Variants in GABRP observed in about 807,000 individuals in gnomAD.
GABRP encodes the protein gamma-aminobutyric acid receptor subunit pi.
Under a neutral mutation model 47.8 loss-of-function variants are expected in GABRP, and 52 were observed. That is an observed-to-expected ratio of 1.09 (90% CI 0.87 to 1.37). The LOEUF (loss-of-function observed/expected upper bound fraction) is 1.37, where lower values mean the gene tolerates loss of function less well. GABRP is among the 40% of genes most tolerant of loss of function. The pLI, the probability that GABRP is intolerant of heterozygous loss-of-function variation, is 0.00. For missense variants in GABRP, 525 were observed against 542.8 expected, an observed-to-expected ratio of 0.97 and a Z score of 0.33; for synonymous variants, 221 against 205.8, an observed-to-expected ratio of 1.07 and a Z score of -0.63.
chr5:170,809,632 CA>C lies in GABRP; in HGVS notation c.899del (p.Asn300ThrfsTer23). 1 of 1,614,166 alleles carries C rather than the reference CA, an allele frequency of 6.2e-7. No homozygotes were observed. Among genetic ancestry groups the C allele is most frequent in the Non-Finnish European group, 8.5e-7 (1 of 1,180,032 alleles). On this transcript the variant is annotated frameshift_variant, in exon 9 of 10. Transcript: ENST00000265294. LOFTEE classifies it high-confidence loss of function. ...IGSRTSLPNTNCFIKAIDVYL... is the reference protein window; with the variant it reads ...IGSRTSLPNTXCFIKAIDVYL... Reference sequence around the variant, plus strand: ...GGTCCCGCACTTCTCTTCCCAACACCAACTGCTTCATCAAGGCCATCGATGT... The same window carrying C: ...GGTCCCGCACTTCTCTTCCCAACACCACTGCTTCATCAAGGCCATCGATGT...
At chr5:170,790,502 C>A (rs578021461) in intron 3 of GABRP, among the ~76,000 whole-genome samples, 26 of 152,104 alleles carry the variant, frequency 1.7e-4, no homozygotes, top group Non-Finnish European at 3.5e-4. Flanking sequence ...ATCCTCCGGG[C>A]AGCAGATGCC....
chr5:170,795,403 G>A lies in GABRP; in HGVS notation c.436G>A (p.Gly146Ser), dbSNP rs1359020670. 1 of 1,614,078 alleles carries A rather than the reference G, an allele frequency of 6.2e-7. No individual in the cohort carries two copies. Among genetic ancestry groups the A allele is most frequent in the Non-Finnish European group, 8.5e-7 (1 of 1,180,012 alleles). ...CAGGCTCATCCGCCTCTTCTCCAAT[G>A]GCACGGTCCTGTATGCCCTCAGGTA... ...GNRLIRLFSN[G>S]TVLYALRITT... The change falls in exon 5 of 10, where the codon GGC becomes AGC. Residue 146 changes from glycine to serine, a missense_variant. Gly to Ser is a moderately conservative substitution (Grantham distance 56). Transcript: ENST00000265294.
chr5:170,795,595 A>G (rs574213720), intron 5 of GABRP, among the ~76,000 whole-genome samples, 170 bp downstream of exon 5: 33 of 152,264 alleles, frequency 2.2e-4, no homozygotes, highest in Admixed American at 1.3e-3. Context: ...ATCATCTACC[A>G]AATGCCTGCT....
At position 170,805,850 on chromosome 5, in the gene GABRP, A is replaced by G; in HGVS notation, c.676A>G (p.Thr226Ala). The change falls in exon 7 of 10, where the codon ACA becomes GCA. Residue 226 changes from threonine (T) to alanine (A), a missense_variant. Physicochemically the swap from Thr to Ala is moderately conservative, Grantham distance 58 (BLOSUM62 0). Coordinates refer to ENST00000265294, the MANE Select transcript of GABRP (RefSeq NM_014211.3). ...FTLVTRSQQE[T>A]GNYTRLVLQF... ...CTTAGTCACCAGATCGCAGCAGGAG[A>G]CAGGTAACTCATGTGACAAACTGTA... is the stretch of plus-strand genomic sequence containing the variant. The G allele has an allele frequency of 6.2e-7, 1 of 1,613,840 alleles. No homozygotes were observed. Among genetic ancestry groups the G allele is most frequent in the East Asian group, 2.2e-5 (1 of 44,872 alleles).
chr5:170,789,975 T>G (rs1292942757), intron 3 of GABRP, among the ~76,000 whole-genome samples: 3 of 152,186 alleles, frequency 2.0e-5, no homozygotes, highest in Non-Finnish European at 4.4e-5. Context: ...CCCATCCCCT[T>G]TCTTCACACT....
At chr5:170,787,609 G>T (rs1449140968) in intron 1 of GABRP, among the ~76,000 whole-genome samples, 4 of 149,284 alleles carry the variant, frequency 2.7e-5, no homozygotes. Context: ...TGAAGGAAGA[G>T]AGTACCGGGG....
chr5:170,811,889 C>A, intron 9 of GABRP, 67 bp from the exon 10 acceptor site: 2 of 1,418,824 alleles, frequency 1.4e-6, no homozygotes, highest in Non-Finnish European at 2.0e-6. Flanking sequence ...TTTTTATTAG[C>A]TCATTACCTA....
chr5:170,789,005 C>T (rs779450811), intron 2 of GABRP, 124 bp from the exon 3 acceptor site: 14 of 740,870 alleles, frequency 1.9e-5, no homozygotes, highest in Non-Finnish European at 3.3e-5. Context: ...AGGAATGTCA[C>T]TGCTGGTACA....
At position 170,783,741 on chromosome 5, in the gene GABRP, G is replaced by C. The variant is rs1765059592; in HGVS notation, c.-176G>C. ...CAGAGAGCCACTCCATCTGAGGGTG[G>C]CTGCGTGTCCACATACGAGGGGACA... On this transcript the variant is annotated 5_prime_UTR_variant, in exon 1 of 10. Transcript: ENST00000265294. The C allele has an allele frequency of 6.6e-6, 1 of 152,274 alleles. No homozygotes were observed. The highest frequency in any genetic ancestry group is 1.5e-5 in the Non-Finnish European group (1 of 68,100). 9.4% of individuals were successfully genotyped at this position (152,274 alleles called of 1,614,324 possible). A position where few individuals can be genotyped will look rare whatever the true frequency, so the allele number is the denominator to read the frequency against.
chr5:170,803,258 C>G (rs1765641987), intron 6 of GABRP, among the ~76,000 whole-genome samples: 1 of 152,146 alleles, frequency 6.6e-6, no homozygotes, highest in Non-Finnish European at 1.5e-5. Context: ...TACTGTGAGA[C>G]TTAACAAAAT....
chr5:170,810,661 A>G (rs1765858096), intron 9 of GABRP, among the ~76,000 whole-genome samples: 1 of 152,222 alleles, frequency 6.6e-6, no homozygotes, highest in Non-Finnish European at 1.5e-5. Context: ...CAAGAAAATG[A>G]TAGGGATCCA....
At chr5:170,788,796 C>T in intron 2 of GABRP, 128 bp downstream of exon 2, 2 of 844,078 alleles carry the variant, frequency 2.4e-6, no homozygotes, top group Non-Finnish European at 4.0e-6. Context: ...TTCCCTGGAG[C>T]ACCGAACAAT....
At chr5:170,803,781 G>T (rs1240476947) in intron 6 of GABRP, among the ~76,000 whole-genome samples, 4 of 142,248 alleles carry the variant, frequency 2.8e-5, no homozygotes, top group African/African-American at 1.0e-4. Context: ...TGGTTGGTTG[G>T]TTGGTTGGTT....
chr5:170,786,951 A>G (rs1765144816), intron 1 of GABRP, among the ~76,000 whole-genome samples: 1 of 152,200 alleles, frequency 6.6e-6, no homozygotes, highest in Admixed American at 6.5e-5. Flanking sequence ...CTGAAGTATG[A>G]GACAAAAGAG....
rs1245202614 is a variant in GABRP, at chr5:170,783,762, G to T, written c.-155G>T. On this transcript the variant is annotated 5_prime_UTR_variant, in exon 1 of 10. Coordinates refer to ENST00000265294, the MANE Select transcript of GABRP (RefSeq NM_014211.3). ...GGTGGCTGCGTGTCCACATACGAGG[G>T]GACAGGGCTGAGGATGAGGAGAACC... 2 of 152,338 alleles carry T rather than the reference G, an allele frequency of 1.3e-5. No homozygotes were observed. Among genetic ancestry groups the T allele is most frequent in the African/African-American group, 4.8e-5 (2 of 41,446 alleles). The allele number at this position is 152,338 out of a possible 1,614,324, so 9.4% of individuals were successfully genotyped here. A position where few individuals can be genotyped will look rare whatever the true frequency, so the allele number is the denominator to read the frequency against.
chr5:170,789,935 T>G (rs1260689832), intron 3 of GABRP, among the ~76,000 whole-genome samples: 5 of 152,186 alleles, frequency 3.3e-5, no homozygotes, highest in Non-Finnish European at 7.3e-5. Context: ...CGCTGCCTTC[T>G]CTGAGAAGCC....
intron 9 of GABRP, among the ~76,000 whole-genome samples, chr5:170,811,510 T>A (rs530616944): frequency 6.6e-6 from 1 of 152,168 alleles, no homozygotes; most frequent in Non-Finnish European, 1.5e-5. Flanking sequence ...ACCTACCAGA[T>A]GCTTTCCATT....
At chr5:170,810,105 TATTTA>T (rs1221826383) in intron 9 of GABRP, 2 of 516,230 alleles carry the variant, frequency 3.9e-6, no homozygotes, top group Non-Finnish European at 6.9e-6. Flanking sequence ...ATATATTTAC[TATTTA>T]ATTCTTTTGT....
intron 6 of GABRP, among the ~76,000 whole-genome samples, chr5:170,798,521 AC>A (rs1263114390): frequency 2.0e-5 from 3 of 152,086 alleles, no homozygotes; most frequent in Non-Finnish European, 4.4e-5. Context: ...TGAGACCTAA[AC>A]TTTTAATATT....
Sources: allele counts gnomAD v4.1 joint callset (sites outside exome capture counted in the v4.1 genomes callset), GRCh38; gene constraint gnomAD v4.1.1; transcripts MANE v1.5; gene names NCBI Gene and HGNC (gene_info 2026-07-23, HGNC 2026-07-21).